The following KCNQ5 variants were observed in gnomAD, a reference collection of about 807,000 sequenced individuals.
KCNQ5 encodes the protein potassium voltage-gated channel subfamily KQT member 5.
Under a neutral mutation model 98.2 loss-of-function variants are expected in KCNQ5, and 30 were observed. The ratio of observed to expected loss-of-function variants is 0.31; its 90% confidence interval spans 0.23 to 0.41. The LOEUF (loss-of-function observed/expected upper bound fraction) is 0.41, where lower values mean the gene tolerates loss of function less well. Among genes scored for constraint, KCNQ5 ranks in the 10% least tolerant of loss-of-function variants. KCNQ5 has a pLI of 1.00. For synonymous variants in KCNQ5, 458 were observed against 449.4 expected (o/e 1.02, Z -0.24); for missense variants, 835 against 1,182.5 (o/e 0.71, Z 4.31).
intron 6 of KCNQ5, among the ~76,000 whole-genome samples, chr6:73,106,455 T>C (rs1400554677): frequency 6.6e-6 from 1 of 152,202 alleles, no homozygotes; most frequent in African/African-American, 2.4e-5. Flanking sequence ...AGAAAGGTAT[T>C]GTCTCACAGT....
At chr6:72,783,884 G>A (rs1019527390) in intron 1 of KCNQ5, among the ~76,000 whole-genome samples, 11 of 152,146 alleles carry the variant, frequency 7.2e-5, no homozygotes, top group Admixed American at 3.3e-4. Context: ...CTGTGTGGAG[G>A]AATGCTTTTC....
At chr6:72,945,042 G>A (rs1018222373) in intron 1 of KCNQ5, among the ~76,000 whole-genome samples, 1 of 151,856 alleles carries the variant, frequency 6.6e-6, no homozygotes, top group Non-Finnish European at 1.5e-5. Context: ...TGCTACTATC[G>A]ATATCTCATG....
intron 8 of KCNQ5, among the ~76,000 whole-genome samples, chr6:73,121,398 A>ACAGAAAAT (rs2150440235): frequency 6.6e-6 from 1 of 152,084 alleles, no homozygotes; most frequent in African/African-American, 2.4e-5. Context: ...TTCAACTATC[A>ACAGAAAAT]CAGAAAATGT....
chr6:72,874,139 A>T (rs1001872776), intron 1 of KCNQ5, among the ~76,000 whole-genome samples: 1 of 152,038 alleles, frequency 6.6e-6, no homozygotes, highest in Non-Finnish European at 1.5e-5. Context: ...CTAAATGAGA[A>T]TGCCCTTCTC....
chr6:72,768,845 C>T (rs1772709284), intron 1 of KCNQ5, among the ~76,000 whole-genome samples: 1 of 151,750 alleles, frequency 6.6e-6, no homozygotes, highest in South Asian at 2.1e-4. Context: ...TTTTTGTTTC[C>T]CTTTCATCGT....
intron 1 of KCNQ5, among the ~76,000 whole-genome samples, chr6:72,827,218 T>C (rs1776043230): frequency 6.6e-6 from 1 of 152,164 alleles, no homozygotes; most frequent in Admixed American, 6.6e-5. Flanking sequence ...TACAATGACT[T>C]TCTTTCCTTT....
At chr6:73,036,592 C>T (rs1360285909) in intron 2 of KCNQ5, among the ~76,000 whole-genome samples, 1 of 152,086 alleles carries the variant, frequency 6.6e-6, no homozygotes, top group Admixed American at 6.5e-5. Context: ...TGGAATAATA[C>T]AGTGTATAAC....
At chr6:73,052,294 C>A (rs1425921878) in intron 3 of KCNQ5, among the ~76,000 whole-genome samples, 19 of 152,164 alleles carry the variant, frequency 1.2e-4, no homozygotes. Flanking sequence ...GGAGAGAAAG[C>A]AAGCAACTTG....
intron 1 of KCNQ5, among the ~76,000 whole-genome samples, chr6:72,825,990 C>T (rs776038221): frequency 1.3e-5 from 2 of 152,138 alleles, no homozygotes; most frequent in Non-Finnish European, 2.9e-5. Flanking sequence ...CAACCTTAAG[C>T]GTTGTGCCTG....
intron 6 of KCNQ5, among the ~76,000 whole-genome samples, chr6:73,108,804 G>A (rs1459251987): frequency 6.6e-6 from 1 of 152,010 alleles, no homozygotes; most frequent in African/African-American, 2.4e-5. Flanking sequence ...TCCAGCCTGG[G>A]CAACAGAGCA....
intron 2 of KCNQ5, among the ~76,000 whole-genome samples, chr6:73,023,157 A>G (rs1770684446): frequency 2.6e-5 from 4 of 152,332 alleles, no homozygotes; most frequent in Admixed American, 2.6e-4. Flanking sequence ...GATGGAGAAG[A>G]AAAACTGAAT....
intron 1 of KCNQ5, among the ~76,000 whole-genome samples, chr6:72,669,567 C>T (rs970088841): frequency 1.1e-4 from 16 of 152,206 alleles, no homozygotes; most frequent in Admixed American, 1.0e-3. Context: ...CTTCCCCTCC[C>T]CTTGGGCCTG....
intron 1 of KCNQ5, among the ~76,000 whole-genome samples, chr6:72,919,016 C>A (rs543295907): frequency 2.0e-4 from 31 of 152,292 alleles, no homozygotes; most frequent in African/African-American, 6.5e-4. Flanking sequence ...TCCCTGCCAT[C>A]TTCCTGATGG....
Position 72,629,836 on chromosome 6 carries a change from A to G in KCNQ5, c.398+7249A>G, listed in dbSNP as rs188161493. Among the ~76,000 whole-genome samples the G allele has an allele frequency of 1.3e-4, 20 of 152,284 alleles. 1 individual carries two copies. The highest frequency in any genetic ancestry group is 3.4e-3 in the Middle Eastern group (1 of 294). On this transcript the variant is annotated intron_variant, in intron 1 of 13. Coordinates refer to ENST00000370398, the MANE Select transcript of KCNQ5 (RefSeq NM_019842.4). ...TTATTTGAAGTTTTATTTGGTTGCA[A>G]CCTGGGAGAAAGATTGGCCACACAT...
At chr6:73,029,814 G>A (rs1224291068) in intron 2 of KCNQ5, among the ~76,000 whole-genome samples, 1 of 149,404 alleles carries the variant, frequency 6.7e-6, no homozygotes, top group Non-Finnish European at 1.5e-5. Context: ...AGGAGGCTGA[G>A]GCAGGAGAAT....
chr6:72,885,940 T>C (rs372072672), intron 1 of KCNQ5, among the ~76,000 whole-genome samples: 2 of 152,236 alleles, frequency 1.3e-5, no homozygotes, highest in East Asian at 3.8e-4. Flanking sequence ...CTAGCTCTTA[T>C]ATGAGTGTCA....
intron 1 of KCNQ5, among the ~76,000 whole-genome samples, chr6:72,730,221 T>C (rs1024112834): frequency 3.9e-5 from 6 of 152,180 alleles, no homozygotes; most frequent in African/African-American, 1.4e-4. Context: ...CCTGCATATA[T>C]GCCAAGGAAA....
chr6:72,664,282 G>A (rs919928002), intron 1 of KCNQ5, among the ~76,000 whole-genome samples: 4 of 152,244 alleles, frequency 2.6e-5, no homozygotes, highest in East Asian at 1.9e-4. Flanking sequence ...CTCTCAAAAC[G>A]TCGGGTTCCT....
intron 3 of KCNQ5, among the ~76,000 whole-genome samples, chr6:73,065,788 C>T (rs538979030): frequency 3.9e-5 from 6 of 152,290 alleles, no homozygotes; most frequent in East Asian, 3.9e-4. Context: ...GATATGATCA[C>T]GGTCACCCCT....
Sources: gnomAD v4.1 joint callset for allele counts (sites outside exome capture counted in the v4.1 genomes callset) on GRCh38, gnomAD v4.1.1 for gene constraint, MANE v1.5 for transcripts, NCBI Gene and HGNC (gene_info 2026-07-23, HGNC 2026-07-21) for gene names.